The following ALG12 variants were observed in gnomAD, a reference collection of about 807,000 sequenced individuals.
ALG12 encodes ALG12 alpha-1,6-mannosyltransferase.
Under a neutral mutation model 46.0 loss-of-function variants are expected in ALG12, and 36 were observed. The ratio of observed to expected loss-of-function variants is 0.78; its 90% confidence interval spans 0.60 to 1.03. The LOEUF is 1.03. Among genes scored for constraint, ALG12 ranks in the 50% least tolerant of loss-of-function variants. The probability of loss-of-function intolerance (pLI) is 0.00; values close to 1 mark genes in which losing one functional copy is unlikely to be tolerated. For synonymous variants in ALG12, 326 were observed against 291.6 expected (o/e 1.12, Z -1.20); for missense variants, 599 against 633.5 (o/e 0.95, Z 0.58).
the ALG12 span, chr22:49,885,475 C>T: frequency 6.2e-7 from 1 of 1,612,718 alleles, no homozygotes; most frequent in South Asian, 1.1e-5. Context: ...GAGACATTTA[C>T]AGCGGTTCCA....
intron 1 of ALG12, among the ~76,000 whole-genome samples, chr22:49,916,086 C>T (rs932977802): frequency 2.0e-5 from 3 of 150,986 alleles, no homozygotes; most frequent in Non-Finnish European, 2.9e-5. Context: ...GGTAAAACCC[C>T]GTCTCTACTA....
chr22:49,915,946 C>T (rs1051799287), intron 1 of ALG12, among the ~76,000 whole-genome samples: 2 of 152,240 alleles, frequency 1.3e-5, no homozygotes, highest in African/African-American at 4.8e-5. Flanking sequence ...GTTCTCATCA[C>T]ACCAGCTCAC....
chr22:49,882,190 C>T, the ALG12 span, among the ~76,000 whole-genome samples: 1 of 152,224 alleles, frequency 6.6e-6, no homozygotes, highest in Non-Finnish European at 1.5e-5. Flanking sequence ...ACCTCTCCTG[C>T]CCATTTGCCA....
At chr22:49,867,095 G>A in the ALG12 span, among the ~76,000 whole-genome samples, 1 of 152,292 alleles carries the variant, frequency 6.6e-6, no homozygotes, top group African/African-American at 2.4e-5. Context: ...CATTTGGTGG[G>A]TTGTATTTTT....
At chr22:49,908,078 C>T in intron 6 of ALG12, 134 bp from the exon 7 acceptor site, 1 of 872,646 alleles carries the variant, frequency 1.1e-6, no homozygotes, top group Non-Finnish European at 1.8e-6. Flanking sequence ...CTCGTGTGCA[C>T]AGACACCACT....
the ALG12 span, among the ~76,000 whole-genome samples, chr22:49,859,387 C>G: frequency 6.6e-6 from 1 of 152,032 alleles, no homozygotes; most frequent in Non-Finnish European, 1.5e-5. Context: ...TTGTGATGCT[C>G]AAATAGCTAT....
the ALG12 span, among the ~76,000 whole-genome samples, chr22:49,859,490 G>A: frequency 5.3e-5 from 8 of 151,992 alleles, no homozygotes; most frequent in Admixed American, 2.0e-4. Flanking sequence ...CTGGCCCAGT[G>A]TCCCAGGCTC....
At chr22:49,913,935 A>C in intron 1 of ALG12, 92 bp from the exon 2 acceptor site, 2 of 794,058 alleles carry the variant, frequency 2.5e-6, no homozygotes, top group Non-Finnish European at 4.1e-6. Flanking sequence ...GAATTCTCTG[A>C]ACTACTGTCT....
intron 6 of ALG12, among the ~76,000 whole-genome samples, chr22:49,908,706 C>G (rs2060558180): frequency 6.8e-6 from 1 of 146,470 alleles, no homozygotes; most frequent in Admixed American, 6.7e-5. Flanking sequence ...AATCCCAGCA[C>G]TTTGGGAGGC....
downstream of ALG12, among the ~76,000 whole-genome samples, chr22:49,897,817 G>C (rs1015794745): frequency 1.3e-5 from 2 of 151,316 alleles, no homozygotes; most frequent in African/African-American, 4.9e-5. Flanking sequence ...CACCACGCCC[G>C]GATAATTTTT....
intron 6 of ALG12, 52 bp from the exon 7 acceptor site, chr22:49,907,996 G>A: frequency 1.3e-6 from 2 of 1,571,044 alleles, no homozygotes; most frequent in Non-Finnish European, 1.7e-6. Context: ...GAGCCCGTGG[G>A]CTAGGTGGCA....
chr22:49,917,537 G>T lies in ALG12; in HGVS notation c.-79+726C>A, dbSNP rs918258063. ...AATACAAAAATTAGCCGGACCTGGT[G>T]GTGGGTGCCTGTAATCCCAACTTAG... On this transcript the variant is annotated intron_variant, in intron 1 of 9. Coordinates refer to ENST00000330817, the MANE Select transcript of ALG12 (RefSeq NM_024105.4). Among the ~76,000 whole-genome samples the T allele has an allele frequency of 2.0e-5, 3 of 152,204 alleles. No homozygotes were observed. In the East Asian group the frequency reaches 5.8e-4, roughly 29 times the overall value.
the ALG12 span, among the ~76,000 whole-genome samples, chr22:49,865,535 T>C: frequency 6.0e-5 from 9 of 151,176 alleles, 1 homozygote; most frequent in African/African-American, 2.2e-4. Context: ...AAAATACAGG[T>C]GTGGTGGCAG....
In ALG12 at chr22:49,903,240, T is replaced by C. The variant is rs1330777629; in HGVS notation, c.*598A>G. ...CTTGAGAGGTTCCAATCAACATTTA[T>C]TGCCTTATTCTTTTTATCTCATTCC... On this transcript the variant is annotated 3_prime_UTR_variant, in exon 10 of 10. Transcript: ENST00000330817. 2 of 425,746 alleles carry C rather than the reference T, an allele frequency of 4.7e-6. No individual in the cohort carries two copies. Among genetic ancestry groups the C allele is most frequent in the African/African-American group, 2.1e-5 (1 of 48,582 alleles). The allele number at this position is 425,746 out of a possible 1,614,324, so 26.4% of individuals were successfully genotyped here.
chr22:49,874,750 G>A, the ALG12 span, among the ~76,000 whole-genome samples: 1 of 126,732 alleles, frequency 7.9e-6, no homozygotes, highest in African/African-American at 3.2e-5. Flanking sequence ...CTCGATCTCA[G>A]CTCACTGCAC....
the ALG12 span, among the ~76,000 whole-genome samples, chr22:49,866,279 TCC>T: frequency 6.6e-6 from 1 of 152,220 alleles, no homozygotes; most frequent in South Asian, 2.1e-4. Flanking sequence ...TCTTGCCCTG[TCC>T]CCTCCTGTTT....
chr22:49,879,003 G>T, the ALG12 span, among the ~76,000 whole-genome samples: 2 of 151,440 alleles, frequency 1.3e-5, no homozygotes, highest in South Asian at 4.2e-4. Context: ...AAATTAGCCG[G>T]GTGTGGTGGC....
At chr22:49,915,119 A>G (rs2060602099) in intron 1 of ALG12, among the ~76,000 whole-genome samples, 1 of 152,268 alleles carries the variant, frequency 6.6e-6, no homozygotes, top group African/African-American at 2.4e-5. Context: ...GGAGAACCCT[A>G]TTTGATATGG....
At chr22:49,886,818 C>T in the ALG12 span, 1 of 1,613,492 alleles carries the variant, frequency 6.2e-7, no homozygotes, top group Non-Finnish European at 8.5e-7. The surrounding 1 kb of genome is among the most constrained non-coding windows in gnomAD (Gnocchi z 7.7). Flanking sequence ...GTGATGCTGG[C>T]TCCCCGTCGA....
Sources: gnomAD v4.1 joint callset for allele counts (sites outside exome capture counted in the v4.1 genomes callset) on GRCh38, gnomAD v4.1.1 for gene constraint, Gnocchi (gnomAD v3.1) non-coding constraint, MANE v1.5 for transcripts, NCBI Gene and HGNC (gene_info 2026-07-23, HGNC 2026-07-21) for gene names.